The following LRBA variants were observed in gnomAD, a reference collection of about 807,000 sequenced individuals.
LRBA encodes the protein LPS responsive beige-like anchor protein.
A neutral mutation model predicts 330.0 loss-of-function variants in LRBA; 176 were observed. That is an observed-to-expected ratio of 0.53 (90% confidence interval 0.47 to 0.60). The LOEUF is 0.60. Ranked by LOEUF, LRBA falls within the 20% of genes least tolerant of loss-of-function variation. The pLI is 0.00. For missense variants in LRBA, 3,259 were observed against 3,444.8 expected (o/e 0.95, Z 1.35); for synonymous variants, 1,230 against 1,193.0 (o/e 1.03, Z -0.64).
At chr4:150,881,407 A>C (rs112798414) in intron 17 of LRBA, among the ~76,000 whole-genome samples, 2 of 152,368 alleles carry the variant, frequency 1.3e-5, no homozygotes, top group African/African-American at 4.8e-5. Flanking sequence ...TAAGTGAATT[A>C]ATGCAGGAAC....
At chr4:150,695,416 A>C (rs968493855) in intron 36 of LRBA, among the ~76,000 whole-genome samples, 5 of 152,118 alleles carry the variant, frequency 3.3e-5, no homozygotes, top group Non-Finnish European at 7.4e-5. Context: ...TCCATCTCCC[A>C]GGTTCACGCA....
intron 2 of LRBA, chr4:150,970,562 C>CGTGTGTGTGTGT (rs1561074281): frequency 1.8e-5 from 2 of 109,446 alleles, no homozygotes; most frequent in African/African-American, 8.2e-5. Flanking sequence ...TGTGTACACA[C>CGTGTGTGTGTGT]ACACACACAC....
chr4:150,767,259 G>C (rs966013883), intron 34 of LRBA, among the ~76,000 whole-genome samples: 2 of 151,868 alleles, frequency 1.3e-5, no homozygotes, highest in African/African-American at 4.8e-5. Flanking sequence ...TAATCTCCTA[G>C]AACGTATTTT....
intron 29 of LRBA, 81 bp downstream of exon 29, chr4:150,831,736 C>G (rs1289521176): frequency 9.1e-7 from 1 of 1,097,276 alleles, no homozygotes; most frequent in Non-Finnish European, 1.3e-6. Context: ...GATTTAAATT[C>G]CAATATCAAT....
chr4:150,893,258 A>T (rs1295464446), intron 16 of LRBA, 109 bp from the exon 17 acceptor site: 24 of 622,008 alleles, frequency 3.9e-5, no homozygotes, highest in Middle Eastern at 4.3e-4. Flanking sequence ...AAGTAGACAT[A>T]TGTGTGATAT....
chr4:150,717,246 A>T (rs1728322922), intron 36 of LRBA, among the ~76,000 whole-genome samples: 1 of 152,204 alleles, frequency 6.6e-6, no homozygotes, highest in African/African-American at 2.4e-5. Context: ...AGAATTCAGA[A>T]AAACAAGTGG....
At chr4:150,822,625 G>T (rs1190504326) in intron 30 of LRBA, among the ~76,000 whole-genome samples, 1 of 152,014 alleles carries the variant, frequency 6.6e-6, no homozygotes, top group Non-Finnish European at 1.5e-5. Context: ...TAAATAGCTG[G>T]ACATGTTGGT....
intron 40 of LRBA, among the ~76,000 whole-genome samples, chr4:150,545,397 G>A (rs772733613): frequency 1.3e-5 from 2 of 151,854 alleles, no homozygotes; most frequent in Non-Finnish European, 2.9e-5. Flanking sequence ...CATATCCTTC[G>A]TGATATCTGA....
chr4:150,908,342 C>G lies in LRBA; in HGVS notation c.1485G>C (p.Leu495Phe), dbSNP rs781285430. Reference sequence around the variant, plus strand: ...CAAATAAAGGCACTCACCATATAGTCAAATCAATCTCATCAGACAAATATT... The same window carrying G: ...CAAATAAAGGCACTCACCATATAGTGAAATCAATCTCATCAGACAAATATT... ...YRQYLSDEIDLTICSTLLAFI... is the reference protein window; with the variant it reads ...YRQYLSDEIDFTICSTLLAFI... Residue 495 changes from leucine (L) to phenylalanine (F), a missense_variant, in exon 11 of 57, where the codon TTG becomes TTC. Physicochemically the swap from Leu to Phe is conservative, Grantham distance 22. Transcript: ENST00000651943. 6.2e-6 allele frequency: 10 copies of G among 1,607,004 alleles called. No homozygotes were observed. The highest frequency in any genetic ancestry group is 4.2e-6 in the Non-Finnish European group (5 of 1,178,610).
At chr4:150,981,551 C>A (rs911310385) in intron 2 of LRBA, among the ~76,000 whole-genome samples, 1 of 151,912 alleles carries the variant, frequency 6.6e-6, no homozygotes, top group South Asian at 2.1e-4. Context: ...CTATAGTAAC[C>A]AAAACAGCAT....
chr4:150,531,522 TCCCCACTAGACTATAA>T (rs1764055016), intron 40 of LRBA, among the ~76,000 whole-genome samples: 1 of 152,198 alleles, frequency 6.6e-6, no homozygotes, highest in Non-Finnish European at 1.5e-5. Flanking sequence ...TCCATGTCTA[TCCCCACTAGACTATAA>T]GCTCAACAAG....
intron 41 of LRBA, among the ~76,000 whole-genome samples, chr4:150,489,530 T>G (rs1561251758): frequency 1.9e-5 from 2 of 104,674 alleles, no homozygotes; most frequent in African/African-American, 8.0e-5. Flanking sequence ...TAAGAATACA[T>G]AATATATATT....
intron 37 of LRBA, among the ~76,000 whole-genome samples, chr4:150,611,312 A>G (rs1775235688): frequency 6.6e-6 from 1 of 152,226 alleles, no homozygotes; most frequent in Non-Finnish European, 1.5e-5. Flanking sequence ...TAGAGATATA[A>G]CACCTATTTA....
At chr4:150,642,212 C>A (rs567527876) in intron 37 of LRBA, among the ~76,000 whole-genome samples, 1 of 151,828 alleles carries the variant, frequency 6.6e-6, no homozygotes, top group Non-Finnish European at 1.5e-5. Flanking sequence ...GTAAATTCTG[C>A]ATGTATTTCA....
intron 2 of LRBA, among the ~76,000 whole-genome samples, chr4:150,994,194 C>T (rs1160346512): frequency 6.6e-6 from 1 of 152,054 alleles, no homozygotes; most frequent in Non-Finnish European, 1.5e-5. Flanking sequence ...AACCCCACCA[C>T]CATCACCACC....
At chr4:150,358,446 C>T (rs923963909) in intron 47 of LRBA, among the ~76,000 whole-genome samples, 2 of 151,960 alleles carry the variant, frequency 1.3e-5, no homozygotes, top group Non-Finnish European at 2.9e-5. Flanking sequence ...GATAAATATG[C>T]ATCAAAAACT....
At chr4:150,517,573 G>A (rs890796182) in intron 40 of LRBA, among the ~76,000 whole-genome samples, 1 of 151,978 alleles carries the variant, frequency 6.6e-6, no homozygotes, top group African/African-American at 2.4e-5. Flanking sequence ...GGGGGCAAGA[G>A]GAGAAAGCCA....
At chr4:150,483,806 T>A (rs1425726987) in intron 42 of LRBA, among the ~76,000 whole-genome samples, 4 of 152,100 alleles carry the variant, frequency 2.6e-5, no homozygotes, top group African/African-American at 9.7e-5. Context: ...AAGTTTTAAT[T>A]CTCCAAAACA....
In LRBA at chr4:150,808,241, C is replaced by T. The variant is rs550530111; in HGVS notation, c.5384+79G>A. On this transcript the variant is annotated intron_variant, in intron 32 of 56. Coordinates refer to ENST00000651943, the MANE Select transcript of LRBA (RefSeq NM_001364905.1). ...AGAAATGAAATGAAATGAAATGAAA[C>T]GAAGTAAAATAAACCTAGATAGCTT... is the stretch of plus-strand genomic sequence containing the variant. 146 of 854,380 alleles carry T rather than the reference C, an allele frequency of 1.7e-4. 1 individual carries two copies. The highest frequency in any genetic ancestry group is 1.7e-3 in the East Asian group (67 of 40,094). 52.9% of individuals were successfully genotyped at this position (854,380 alleles called of 1,614,324 possible).
Sources: allele counts gnomAD v4.1 joint callset (sites outside exome capture counted in the v4.1 genomes callset), GRCh38; gene constraint gnomAD v4.1.1; transcripts MANE v1.5; gene names NCBI Gene and HGNC (gene_info 2026-07-23, HGNC 2026-07-21).